Variants in NEDD4 observed in about 807,000 individuals in gnomAD.
NEDD4 encodes E3 ubiquitin-protein ligase NEDD4.
In NEDD4, 99 loss-of-function variants were observed where a neutral mutation model predicts 144.9. That is an observed-to-expected ratio of 0.68 (90% CI 0.58 to 0.81). The LOEUF is 0.81. Ranked by LOEUF, NEDD4 falls within the 30% of genes least tolerant of loss-of-function variation. The pLI, the probability that NEDD4 is intolerant of heterozygous loss-of-function variation, is 0.00. For missense variants in NEDD4, 985 were observed against 1,065.9 expected, an observed-to-expected ratio of 0.92 and a Z score of 1.06; for synonymous variants, 318 against 350.6, an observed-to-expected ratio of 0.91 and a Z score of 1.04.
chr15:55,988,451 G>A (rs2037931558), intron 1 of NEDD4, among the ~76,000 whole-genome samples: 1 of 116,184 alleles, frequency 8.6e-6, no homozygotes, highest in Admixed American at 1.0e-4. Context: ...ATGTGCACAT[G>A]TACACTAAAA....
intron 1 of NEDD4, among the ~76,000 whole-genome samples, chr15:55,977,579 T>C (rs1382008193): frequency 6.6e-6 from 1 of 152,166 alleles, no homozygotes; most frequent in Non-Finnish European, 1.5e-5. Flanking sequence ...AAAATAACTT[T>C]CTTCCATCAC....
chr15:55,848,908 A>C, intron 14 of NEDD4, 22 bp from the exon 15 acceptor site: 1 of 1,564,216 alleles, frequency 6.4e-7, no homozygotes, highest in Non-Finnish European at 8.8e-7. Flanking sequence ...GAGTAAATAA[A>C]GAACAATACA....
At chr15:55,976,627 A>ATTT (rs1229977936) in intron 1 of NEDD4, among the ~76,000 whole-genome samples, 87 of 120,880 alleles carry the variant, frequency 7.2e-4, no homozygotes, top group African/African-American at 2.1e-3. Context: ...CTGGGCAAAA[A>ATTT]TTTTTTTTTT....
rs371845577 is a variant in NEDD4, at chr15:55,838,074, A to C, written c.2201+33T>G. 1.1e-5 allele frequency: 14 copies of C among 1,269,072 alleles called. No homozygotes were observed. In the African/African-American group the frequency reaches 2.1e-4, roughly 19 times the overall value. 78.6% of individuals were successfully genotyped at this position (1,269,072 alleles called of 1,614,324 possible). A position where few individuals can be genotyped will look rare whatever the true frequency, so the allele number is the denominator to read the frequency against. ...TTTCTGGAATAAAGTACAAAATTAT[A>C]TCCAATAAAATACATACTAATAAAA... On this transcript the variant is annotated intron_variant, in intron 23 of 28. Coordinates refer to ENST00000435532, the MANE Select transcript of NEDD4 (RefSeq NM_006154.4).
At chr15:55,879,968 G>T (rs999386665) in intron 5 of NEDD4, among the ~76,000 whole-genome samples, 1 of 152,092 alleles carries the variant, frequency 6.6e-6, no homozygotes, top group Non-Finnish European at 1.5e-5. Flanking sequence ...AAGTAACTTT[G>T]CTTGAACTCA....
At chr15:55,913,273 T>C (rs2036332622) in intron 5 of NEDD4, among the ~76,000 whole-genome samples, 2 of 152,070 alleles carry the variant, frequency 1.3e-5, no homozygotes, top group Admixed American at 6.6e-5. Flanking sequence ...GGGAAATATT[T>C]TGGGAGCTGT....
chr15:55,944,201 G>A (rs1418206332), intron 4 of NEDD4, among the ~76,000 whole-genome samples: 1 of 152,214 alleles, frequency 6.6e-6, no homozygotes, highest in Non-Finnish European at 1.5e-5. Flanking sequence ...CACCTCGGAA[G>A]TGCAAGGGGT....
chr15:55,929,760 A>ATT (rs2036744681), intron 4 of NEDD4, among the ~76,000 whole-genome samples: 1 of 152,214 alleles, frequency 6.6e-6, no homozygotes, highest in East Asian at 1.9e-4. Context: ...GAACGTACAA[A>ATT]TTAGAAAAAC....
chr15:55,899,109 A>G (rs1432465986), intron 5 of NEDD4, among the ~76,000 whole-genome samples: 1 of 152,244 alleles, frequency 6.6e-6, no homozygotes, highest in Non-Finnish European at 1.5e-5. Flanking sequence ...AAGATTGTAC[A>G]TATGGCCAGA....
intron 11 of NEDD4, among the ~76,000 whole-genome samples, chr15:55,857,392 G>A (rs1475201374): frequency 1.3e-5 from 2 of 151,970 alleles, no homozygotes; most frequent in East Asian, 1.9e-4. Context: ...ATGGTGGTGC[G>A]ATCTTGTCTC....
rs149219044 is a variant in NEDD4 at position 55,845,889 on chromosome 15, G to A, written c.1608+1080C>T. ...CAACCTCTGCCTCCTGGGTTCAAGC[G>A]GTTCTCCTGCCTCAGCCTCCGGAGT... On this transcript the variant is annotated intron_variant, in intron 18 of 28. Coordinates refer to ENST00000435532, the MANE Select transcript of NEDD4 (RefSeq NM_006154.4). Among the ~76,000 whole-genome samples the A allele has an allele frequency of 9.0e-3, 1,363 of 151,048 alleles. 3 individuals are homozygous for A. Among genetic ancestry groups the A allele is most frequent in the African/African-American group, 0.011 (456 of 41,130 alleles).
chr15:55,860,627 T>G, intron 10 of NEDD4, 34 bp downstream of exon 10: 2 of 1,613,722 alleles, frequency 1.2e-6, no homozygotes, highest in Non-Finnish European at 1.7e-6. Flanking sequence ...CTATAGCATG[T>G]GTCTTTCAAG....
intron 11 of NEDD4, among the ~76,000 whole-genome samples, chr15:55,857,224 T>G (rs148092577): frequency 2.6e-5 from 4 of 152,394 alleles, no homozygotes; most frequent in Non-Finnish European, 4.4e-5. Context: ...TGCATGTGAT[T>G]TATCACCAGC....
intron 5 of NEDD4, among the ~76,000 whole-genome samples, chr15:55,895,315 C>A (rs1053670870): frequency 6.6e-6 from 1 of 152,210 alleles, no homozygotes; most frequent in Admixed American, 6.5e-5. Context: ...ATTATCTCTG[C>A]AGTTTAAATG....
intron 5 of NEDD4, chr15:55,924,236 C>T (rs760325545): frequency 1.2e-5 from 2 of 161,214 alleles, no homozygotes; most frequent in African/African-American, 2.4e-5. Flanking sequence ...GATAGGATGT[C>T]CATTGGATAC....
At chr15:55,976,213 T>C (rs1412354354) in intron 1 of NEDD4, among the ~76,000 whole-genome samples, 1 of 152,144 alleles carries the variant, frequency 6.6e-6, no homozygotes, top group Non-Finnish European at 1.5e-5. Context: ...AACCAAAGCA[T>C]AACTGGACAA....
intron 7 of NEDD4, among the ~76,000 whole-genome samples, chr15:55,870,122 G>C (rs1199520718): frequency 6.6e-6 from 1 of 152,172 alleles, no homozygotes; most frequent in South Asian, 2.1e-4. Context: ...TAGATTATAG[G>C]ACATGTAAAG....
chr15:55,906,667 G>A (rs569264212), intron 5 of NEDD4, among the ~76,000 whole-genome samples: 1 of 152,166 alleles, frequency 6.6e-6, no homozygotes, highest in East Asian at 1.9e-4. Flanking sequence ...AGCATTAGGT[G>A]ATATACTTAA....
intron 12 of NEDD4, among the ~76,000 whole-genome samples, chr15:55,855,080 TC>T (rs1337178859): frequency 1.3e-5 from 2 of 152,278 alleles, no homozygotes; most frequent in Non-Finnish European, 2.9e-5. Flanking sequence ...ATGGCATCTG[TC>T]CTCTTGTTGA....
Sources: gnomAD v4.1 joint callset for allele counts (sites outside exome capture counted in the v4.1 genomes callset) on GRCh38, gnomAD v4.1.1 for gene constraint, MANE v1.5 for transcripts, NCBI Gene and HGNC (gene_info 2026-07-23, HGNC 2026-07-21) for gene names.